The following CTNNA2 variants were observed in gnomAD, a reference collection of about 807,000 sequenced individuals.
CTNNA2 encodes the protein catenin alpha 2, also known as catenin alpha-2.
A neutral mutation model predicts 101.0 loss-of-function variants in CTNNA2; 42 were observed. That is an observed-to-expected ratio of 0.42 (90% CI 0.32 to 0.54). CTNNA2 has a LOEUF of 0.54. Ranked by LOEUF, CTNNA2 falls within the 20% of genes least tolerant of loss-of-function variation. CTNNA2 has a pLI of 0.14. For missense variants in CTNNA2, 871 were observed against 1,223.1 expected, an observed-to-expected ratio of 0.71 and a Z score of 4.29; for synonymous variants, 450 against 456.4, an observed-to-expected ratio of 0.99 and a Z score of 0.18.
intron 7 of CTNNA2, among the ~76,000 whole-genome samples, chr2:80,267,539 T>TCCCCTG (rs1191965732): frequency 6.6e-6 from 1 of 152,106 alleles, no homozygotes; most frequent in African/African-American, 2.4e-5. Flanking sequence ...TCATGGAGCT[T>TCCCCTG]CCAGTCTGGG....
At chr2:79,744,876 G>A (rs979559399) in intron 3 of CTNNA2, among the ~76,000 whole-genome samples, 3 of 152,140 alleles carry the variant, frequency 2.0e-5, no homozygotes, top group African/African-American at 7.2e-5. Context: ...AGGGAGAATG[G>A]GATGGGAAGA....
At chr2:80,020,056 A>G (rs761923408) in intron 7 of CTNNA2, among the ~76,000 whole-genome samples, 14 of 152,212 alleles carry the variant, frequency 9.2e-5, no homozygotes, top group Non-Finnish European at 1.6e-4. Flanking sequence ...TCTCCATGCT[A>G]GAAATTAGCC....
chr2:80,216,262 C>T (rs1708264171), intron 7 of CTNNA2, among the ~76,000 whole-genome samples: 1 of 152,178 alleles, frequency 6.6e-6, no homozygotes, highest in South Asian at 2.1e-4. Context: ...GGGCTACACC[C>T]ACTGTCCGAC....
intron 1 of CTNNA2, among the ~76,000 whole-genome samples, chr2:79,521,166 AT>A: frequency 2.0e-5 from 2 of 100,820 alleles, no homozygotes; most frequent in African/African-American, 7.1e-5. Flanking sequence ...ATATATATAT[AT>A]AAATTTTAAG....
chr2:79,340,795 C>T (rs1437703932), intron 3 of CTNNA2, among the ~76,000 whole-genome samples: 1 of 127,370 alleles, frequency 7.9e-6, no homozygotes, highest in East Asian at 2.6e-4. Flanking sequence ...GATCGCGCCA[C>T]TGCACTCCAG....
intron 7 of CTNNA2, among the ~76,000 whole-genome samples, chr2:80,279,049 CGT>C (rs3219982): frequency 0.29 from 39,882 of 135,602 alleles, 5,811 homozygotes; most frequent in Middle Eastern, 0.4. Flanking sequence ...ATGACTTTTA[CGT>C]GTGTGTGTGT....
chr2:80,088,827 C>G (rs757576415), intron 7 of CTNNA2, among the ~76,000 whole-genome samples: 5 of 151,954 alleles, frequency 3.3e-5, no homozygotes, highest in Non-Finnish European at 7.4e-5. Flanking sequence ...TTTGAAAGAC[C>G]CTGAGACTTT....
chr2:79,298,117 G>C (rs145885868), intron 2 of CTNNA2, among the ~76,000 whole-genome samples: 76 of 152,196 alleles, frequency 5.0e-4, no homozygotes, highest in Admixed American at 8.5e-4. Flanking sequence ...ACTTTTATTT[G>C]GCTCACAGTT....
At chr2:80,645,768 A>G (rs1674015883) in intron 18 of CTNNA2, among the ~76,000 whole-genome samples, 1 of 152,130 alleles carries the variant, frequency 6.6e-6, no homozygotes, top group Non-Finnish European at 1.5e-5. Context: ...GGCTGTATAA[A>G]CGAAAGAGTA....
At chr2:79,559,937 G>GA (rs59312715) in intron 1 of CTNNA2, among the ~76,000 whole-genome samples, 13,963 of 150,794 alleles carry the variant, frequency 0.093, 693 homozygotes, top group African/African-American at 0.1. Context: ...CCGATTTACA[G>GA]AAAAAAAAAG....
chr2:79,980,085 T>G (rs1691150636), intron 7 of CTNNA2, among the ~76,000 whole-genome samples: 1 of 152,182 alleles, frequency 6.6e-6, no homozygotes, highest in Non-Finnish European at 1.5e-5. Context: ...GGGAAAATTA[T>G]CTGTGTTTTC....
intron 3 of CTNNA2, among the ~76,000 whole-genome samples, chr2:79,841,071 GACTCCC>G (rs1464678333): frequency 6.6e-6 from 1 of 152,124 alleles, no homozygotes; most frequent in Non-Finnish European, 1.5e-5. Context: ...GCCCTGCCGA[GACTCCC>G]TCTCTTATGT....
chr2:80,042,713 G>A (rs1330328005), intron 7 of CTNNA2, among the ~76,000 whole-genome samples: 1 of 152,156 alleles, frequency 6.6e-6, no homozygotes, highest in Admixed American at 6.5e-5. Flanking sequence ...CCAACTCAGA[G>A]CAAAGGAAAC....
intron 7 of CTNNA2, among the ~76,000 whole-genome samples, chr2:80,376,577 T>G (rs561263263): frequency 1.3e-5 from 2 of 152,122 alleles, no homozygotes; most frequent in Admixed American, 6.5e-5. Context: ...CAATAAAGAA[T>G]TGTACATTAA....
intron 1 of CTNNA2, among the ~76,000 whole-genome samples, chr2:79,527,958 A>C (rs893428391): frequency 6.6e-6 from 1 of 152,228 alleles, no homozygotes; most frequent in Non-Finnish European, 1.5e-5. Context: ...AGGCATATTT[A>C]TACAATGGGA....
chr2:79,922,658 T>TTTTTTTTTTTTTTTTTTTTG (rs1686749624), intron 7 of CTNNA2, among the ~76,000 whole-genome samples: 1 of 148,600 alleles, frequency 6.7e-6, no homozygotes, highest in African/African-American at 2.5e-5. Flanking sequence ...TTTTTTTTTT[T>TTTTTTTTTTTTTTTTTTTTG]AGTTCTTTCA....
At chr2:79,705,175 T>G (rs1439709470) in intron 2 of CTNNA2, among the ~76,000 whole-genome samples, 1 of 152,170 alleles carries the variant, frequency 6.6e-6, no homozygotes, top group East Asian at 1.9e-4. Flanking sequence ...ACAATGTCAG[T>G]AGTGCTGAGG....
chr2:80,527,907 CA>C (rs1690177241), intron 9 of CTNNA2, among the ~76,000 whole-genome samples: 1 of 152,188 alleles, frequency 6.6e-6, no homozygotes, highest in African/African-American at 2.4e-5. Context: ...TGTCCATACA[CA>C]AGGGCGAGTA....
chr2:80,182,402 G>T (rs1217062926), intron 7 of CTNNA2, among the ~76,000 whole-genome samples: 1 of 152,158 alleles, frequency 6.6e-6, no homozygotes, highest in Non-Finnish European at 1.5e-5. Context: ...TGTTGGGTCT[G>T]CCTCTCCCAG....
Sources: gnomAD v4.1 joint callset for allele counts (sites outside exome capture counted in the v4.1 genomes callset) on GRCh38, gnomAD v4.1.1 for gene constraint, MANE v1.5 for transcripts, NCBI Gene and HGNC (gene_info 2026-07-23, HGNC 2026-07-21) for gene names.